FREM1: variants seen among roughly 807,000 people sequenced by gnomAD.
FREM1 encodes FRAS1 related extracellular matrix 1.
In FREM1, 220 loss-of-function variants were observed where a neutral mutation model predicts 210.1. That is an observed-to-expected ratio of 1.05 (90% confidence interval 0.94 to 1.17). The LOEUF (loss-of-function observed/expected upper bound fraction) is 1.17. Ranked by LOEUF, FREM1 falls within the 50% of genes most tolerant of loss-of-function variation. FREM1 has a pLI of 0.00. For synonymous variants in FREM1, 1,189 were observed against 980.2 expected (o/e 1.21, Z -3.98); for missense variants, 3,454 against 2,675.5 (o/e 1.29, Z -6.42).
chr9:14,788,150 T>G (rs1850704922), intron 23 of FREM1, among the ~76,000 whole-genome samples: 1 of 152,208 alleles, frequency 6.6e-6, no homozygotes, highest in Admixed American at 6.5e-5. Flanking sequence ...GATCTAAGAT[T>G]ATGCTTCATC....
chr9:14,783,582 T>G (rs533307607), intron 24 of FREM1, among the ~76,000 whole-genome samples: 223 of 152,332 alleles, frequency 1.5e-3, no homozygotes, highest in Admixed American at 2.4e-3. Flanking sequence ...TGGGGATCTG[T>G]GTTTCTCTCC....
Position 14,740,084 on chromosome 9 carries a change from G to A in FREM1, c.6340+65C>T. ...ACCCATGGAAGGAAGTAGCAGGGTGGTGGTGCCTGTTTGTTTCATGTCCTT... is the reference window on the plus strand; with the variant it reads ...ACCCATGGAAGGAAGTAGCAGGGTGATGGTGCCTGTTTGTTTCATGTCCTT... On this transcript the variant is annotated intron_variant, in intron 36 of 36. Transcript: ENST00000380880. 4 of 965,066 alleles carry A rather than the reference G, an allele frequency of 4.1e-6. No individual in the cohort carries two copies. In the South Asian group the frequency reaches 4.4e-5, roughly 11 times the overall value. 59.8% of individuals were successfully genotyped at this position (965,066 alleles called of 1,614,324 possible).
Position 14,848,917 on chromosome 9 carries a change from T to A in FREM1, c.1153-144A>T, listed in dbSNP as rs1021494. On this transcript the variant is annotated intron_variant, in intron 6 of 36. Coordinates refer to ENST00000380880, the MANE Select transcript of FREM1 (RefSeq NM_001379081.2). Reference sequence around the variant, plus strand: ...GCAGTTCCCACATCTCATTTAGACATCCTGATTTGACTTTTTCAGGTTCTA... The same window carrying A: ...GCAGTTCCCACATCTCATTTAGACAACCTGATTTGACTTTTTCAGGTTCTA... 367,489 of 462,362 alleles carry A rather than the reference T, an allele frequency of 0.79. 147,293 individuals are homozygous for A. Among genetic ancestry groups the A allele is most frequent in the East Asian group, 0.97 (31,074 of 31,922 alleles). The allele number at this position is 462,362 out of a possible 1,614,324, so 28.6% of individuals were successfully genotyped here. A position where few individuals can be genotyped will look rare whatever the true frequency, so the allele number is the denominator to read the frequency against.
intron 1 of FREM1, among the ~76,000 whole-genome samples, chr9:14,871,474 T>C (rs185932327): frequency 0.5 from 75,527 of 151,266 alleles, 20,138 homozygotes; most frequent in East Asian, 0.71. Context: ...TGTCTGTTCA[T>C]ATCCTTCGCC....
In FREM1 at chr9:14,836,698, T is replaced by C. The variant is rs1357935587; in HGVS notation, c.1881+4749A>G. Among the ~76,000 whole-genome samples the C allele has an allele frequency of 6.6e-6, 1 of 152,212 alleles. No individual in the cohort carries two copies. Among genetic ancestry groups the C allele is most frequent in the East Asian group, 1.9e-4 (1 of 5,192 alleles). Reference sequence around the variant, plus strand: ...CGCCTAAAAGCAATCAAACTCCAAATGGTGCTGCAAACTGAACCGCATGTG... The same window carrying C: ...CGCCTAAAAGCAATCAAACTCCAAACGGTGCTGCAAACTGAACCGCATGTG... On this transcript the variant is annotated intron_variant, in intron 10 of 36. Coordinates refer to ENST00000380880, the MANE Select transcript of FREM1 (RefSeq NM_001379081.2). The surrounding 1 kb of genome is among the most constrained non-coding windows in gnomAD (Gnocchi z 4.9).
intron 1 of FREM1, among the ~76,000 whole-genome samples, chr9:14,900,672 G>A (rs1351877879): frequency 6.6e-6 from 1 of 152,176 alleles, no homozygotes; most frequent in Non-Finnish European, 1.5e-5. Context: ...TCCAAGGGAG[G>A]CATCATGAGC....
rs567078658 is a variant in FREM1, at chr9:14,864,518, C to A, written c.235-615G>T. ...ATTAGTTAGGCAATAGCAGAAATGGCAGATGAGAAAAACAGAAATCTAAAA... is the reference window on the plus strand; with the variant it reads ...ATTAGTTAGGCAATAGCAGAAATGGAAGATGAGAAAAACAGAAATCTAAAA... On this transcript the variant is annotated intron_variant, in intron 2 of 36. Coordinates refer to ENST00000380880, the MANE Select transcript of FREM1 (RefSeq NM_001379081.2). Among the ~76,000 whole-genome samples the A allele has an allele frequency of 9.9e-5, 15 of 152,278 alleles. No individual in the cohort carries two copies. In the South Asian group the frequency reaches 3.1e-3, roughly 32 times the overall value.
At chr9:14,746,901 G>C in intron 34 of FREM1, 22 bp downstream of exon 34, 3 of 1,609,834 alleles carry the variant, frequency 1.9e-6, no homozygotes, top group Non-Finnish European at 1.7e-6. Context: ...AAAGGTGCTT[G>C]GCTGCTCAGC....
At position 14,859,465 on chromosome 9, in the gene FREM1, A is replaced by G; in HGVS notation, c.349T>C (p.Phe117Leu). The G allele has an allele frequency of 1.2e-6, 2 of 1,612,920 alleles. No homozygotes were observed. The highest frequency in any genetic ancestry group is 1.7e-6 in the Non-Finnish European group (2 of 1,179,242). ...ACCCACAGGATAAAAGTTTCTATGA[A>G]GGTATCTCTTTCAGTAAATCTGTGG... ...RLYRFTERDTFIETFILWVYL... is the reference protein window; with the variant it reads ...RLYRFTERDTLIETFILWVYL... The change falls in exon 4 of 37, where the codon TTC becomes CTC. Residue 117 changes from phenylalanine (F) to leucine (L), a missense_variant. Transcript: ENST00000380880.
At chr9:14,756,817 A>G (rs570380652) in intron 28 of FREM1, among the ~76,000 whole-genome samples, 61 of 152,260 alleles carry the variant, frequency 4.0e-4, no homozygotes, top group African/African-American at 1.4e-3. Flanking sequence ...CTCAAAAGAA[A>G]AGGAGGGAGA....
rs1489676413 is a variant in FREM1, at chr9:14,860,616, CAT to C, written c.330-1134_330-1133del. On this transcript the variant is annotated intron_variant, in intron 3 of 36. Transcript: ENST00000380880. ...ATACATATATACACATATATACACA[CAT>C]ATATATACACATATATACACATGTA... 6.5e-3 allele frequency among the ~76,000 whole-genome samples: 720 copies of C among 110,650 alleles called. 23 individuals are homozygous for C. Among genetic ancestry groups the C allele is most frequent in the African/African-American group, 0.023 (649 of 28,710 alleles). 72.6% of individuals were successfully genotyped at this position (110,650 alleles called of 152,430 possible). A position where few individuals can be genotyped will look rare whatever the true frequency, so the allele number is the denominator to read the frequency against.
intron 3 of FREM1, 115 bp from the exon 4 acceptor site, chr9:14,859,599 A>G (rs1185699128): frequency 3.6e-6 from 3 of 830,788 alleles, no homozygotes; most frequent in Non-Finnish European, 5.7e-6. Context: ...CCACAGATTG[A>G]GTTTGGATTT....
At position 14,759,845 on chromosome 9, in the gene FREM1, TCA is replaced by T. The variant is rs777820771; in HGVS notation, c.5259_5260del (p.Cys1753Ter). The T allele has an allele frequency of 1.2e-6, 2 of 1,612,682 alleles. No homozygotes were observed. The highest frequency in any genetic ancestry group is 1.7e-6 in the Non-Finnish European group (2 of 1,179,008). ...TTCCAAGGGCAACAAACCCACATTC[TCA>T]CAGACTTCATATTCGGTCTGTGACC... On this transcript the variant is annotated stop_gained and frameshift_variant, in exon 28 of 37. Coordinates refer to ENST00000380880, the MANE Select transcript of FREM1 (RefSeq NM_001379081.2). LOFTEE classifies it high-confidence loss of function.
chr9:14,907,487 G>C (rs1172374555), intron 1 of FREM1, among the ~76,000 whole-genome samples: 1 of 152,322 alleles, frequency 6.6e-6, no homozygotes, highest in East Asian at 1.9e-4. Flanking sequence ...TGTGGAAGCT[G>C]TCAAGCCCTG....
intron 1 of FREM1, among the ~76,000 whole-genome samples, chr9:14,900,580 G>A (rs1402977637): frequency 1.3e-5 from 2 of 152,092 alleles, no homozygotes; most frequent in Non-Finnish European, 2.9e-5. Context: ...TGGTTGGTTG[G>A]GGGAGGGCTG....
At chr9:14,783,106 C>T (rs1169866911) in intron 24 of FREM1, among the ~76,000 whole-genome samples, 5 of 152,132 alleles carry the variant, frequency 3.3e-5, no homozygotes, top group Non-Finnish European at 7.4e-5. Context: ...GGACACTTAT[C>T]AAGAGAAAAA....
chr9:14,837,048 T>A (rs1387062229), intron 10 of FREM1, among the ~76,000 whole-genome samples: 1 of 152,218 alleles, frequency 6.6e-6, no homozygotes, highest in Non-Finnish European at 1.5e-5. Context: ...CATTAGAAAC[T>A]GGGTCCACCC....
rs58702480 is a variant in FREM1 at position 14,749,525 on chromosome 9, A to G, written c.5557+602T>C. 2.3e-3 allele frequency among the ~76,000 whole-genome samples: 351 copies of G among 152,272 alleles called. 2 individuals carry two copies. Among genetic ancestry groups the G allele is most frequent in the African/African-American group, 8.3e-3 (344 of 41,554 alleles). On this transcript the variant is annotated intron_variant, in intron 30 of 36. Coordinates refer to ENST00000380880, the MANE Select transcript of FREM1 (RefSeq NM_001379081.2). ...CTAAAAAGACAAGTAACTAAAAGGCATTTGGTGGAAAAAAATCAGAGCACC... is the reference window on the plus strand; with the variant it reads ...CTAAAAAGACAAGTAACTAAAAGGCGTTTGGTGGAAAAAAATCAGAGCACC...
chr9:14,764,914 T>G (rs1034166753), intron 27 of FREM1, among the ~76,000 whole-genome samples: 1 of 152,210 alleles, frequency 6.6e-6, no homozygotes, highest in African/African-American at 2.4e-5. Flanking sequence ...AAAAGATATT[T>G]AGCCTGTCTA....
Sources: allele counts gnomAD v4.1 joint callset (sites outside exome capture counted in the v4.1 genomes callset), GRCh38; gene constraint gnomAD v4.1.1; non-coding constraint Gnocchi (gnomAD v3.1); transcripts MANE v1.5; gene names NCBI Gene and HGNC (gene_info 2026-07-23, HGNC 2026-07-21).